The following ANKLE2 variants were observed in gnomAD, a reference collection of about 807,000 sequenced individuals.
ANKLE2 encodes ankyrin repeat and LEM domain-containing protein 2.
ANKLE2 carries 55 observed loss-of-function variants against 84.2 expected under a neutral mutation model. That is an observed-to-expected ratio of 0.65 (90% confidence interval 0.53 to 0.82). The LOEUF (loss-of-function observed/expected upper bound fraction) is 0.82, where lower values mean the gene tolerates loss of function less well. Ranked by LOEUF, ANKLE2 falls within the 40% of genes least tolerant of loss-of-function variation. The pLI, the probability that ANKLE2 is intolerant of heterozygous loss-of-function variation, is 0.00. For missense variants in ANKLE2, 1,238 were observed against 1,201.9 expected, an observed-to-expected ratio of 1.03 and a Z score of -0.44; for synonymous variants, 551 against 486.1, an observed-to-expected ratio of 1.13 and a Z score of -1.76.
chr12:132,743,103 A>G lies in ANKLE2; in HGVS notation c.1353+51T>C, dbSNP rs561117656. 76 of 1,517,184 alleles carry G rather than the reference A, an allele frequency of 5.0e-5. No homozygotes were observed. Among genetic ancestry groups the G allele is most frequent in the Non-Finnish European group, 6.0e-5 (67 of 1,123,336 alleles). The allele number at this position is 1,517,184 out of a possible 1,614,324, so 94.0% of individuals were successfully genotyped here. On this transcript the variant is annotated intron_variant, in intron 6 of 12. Coordinates refer to ENST00000357997, the MANE Select transcript of ANKLE2 (RefSeq NM_015114.3). This position sits in a 1 kb window ranked among gnomAD's most constrained non-coding sequence, Gnocchi z 4.1. ...CTGTGATCACAGACTGTAAATTTAT[A>G]TATTTCCATTTCTAACTCTAGATAG...
At position 132,743,488 on chromosome 12, in the gene ANKLE2, C is replaced by T. The variant is rs1482277801; in HGVS notation, c.1231-212G>A. Reference sequence around the variant, plus strand: ...CCCAGTACCTGGGACTACAGGCACCCGCCACCACACCCAGCTATTTTTTTT... The same window carrying T: ...CCCAGTACCTGGGACTACAGGCACCTGCCACCACACCCAGCTATTTTTTTT... On this transcript the variant is annotated intron_variant, in intron 5 of 12. Transcript: ENST00000357997. This position sits in a 1 kb window ranked among gnomAD's most constrained non-coding sequence, Gnocchi z 4.1. 3.3e-5 allele frequency among the ~76,000 whole-genome samples: 5 copies of T among 151,864 alleles called. No individual in the cohort carries two copies. The highest frequency in any genetic ancestry group is 4.8e-5 in the African/African-American group (2 of 41,346).
In ANKLE2 at chr12:132,743,255, A is replaced by G. The variant is rs1347226009; in HGVS notation, c.1252T>C (p.Phe418Leu). 6.2e-7 allele frequency: 1 copy of G among 1,611,336 alleles called. No individual in the cohort carries two copies. The highest frequency in any genetic ancestry group is 1.3e-5 in the African/African-American group (1 of 75,024). Residue 418 changes from phenylalanine to leucine, a missense_variant, in exon 6 of 13, where the codon TTT (phenylalanine) becomes CTT (leucine). Physicochemically the swap from Phe to Leu is conservative, Grantham distance 22 (BLOSUM62 0). Coordinates refer to ENST00000357997, the MANE Select transcript of ANKLE2 (RefSeq NM_015114.3). This position sits in a 1 kb window ranked among gnomAD's most constrained non-coding sequence, Gnocchi z 4.1. ...TCTGCATTTCCAAACTTACAAGCAA[A>G]ATGCAACGGTGTGTCATAGCCCTGA... ...DKMGYDTPLH[F>L]ACKFGNADVV...
intron 2 of ANKLE2, among the ~76,000 whole-genome samples, chr12:132,752,422 G>A (rs545210264): frequency 1.3e-5 from 2 of 152,070 alleles, no homozygotes; most frequent in South Asian, 4.1e-4. Flanking sequence ...TTTTTTTTGA[G>A]ATGGAATCTA....
At chr12:132,735,619 C>T (rs988389611) in intron 8 of ANKLE2, 107 bp from the exon 9 acceptor site, 18 of 832,064 alleles carry the variant, frequency 2.2e-5, no homozygotes, top group Non-Finnish European at 3.4e-5. Flanking sequence ...TCCGCACACC[C>T]TTCCTTCTCT....
intron 11 of ANKLE2, among the ~76,000 whole-genome samples, chr12:132,729,225 C>G (rs1180926187): frequency 6.8e-6 from 1 of 147,376 alleles, no homozygotes; most frequent in African/African-American, 2.5e-5. Context: ...GTGGCAGGCG[C>G]CTGTAATCCC....
intron 8 of ANKLE2, 23 bp from the exon 9 acceptor site, chr12:132,735,535 T>C (rs1483878334): frequency 1.9e-6 from 3 of 1,603,100 alleles, no homozygotes; most frequent in South Asian, 1.1e-5. Context: ...AAAAATGTAT[T>C]GAGCCGTGTC....
At chr12:132,755,156 A>AT (rs747903775) in intron 1 of ANKLE2, 23 bp from the exon 2 acceptor site, 2 of 1,567,506 alleles carry the variant, frequency 1.3e-6, no homozygotes, top group Non-Finnish European at 1.7e-6. Flanking sequence ...CAAAAAAATC[A>AT]AAGAGTCACA....
rs752920481 is a variant in ANKLE2, at chr12:132,754,882, G to T, written c.433C>A (p.Pro145Thr). The T allele has an allele frequency of 6.2e-7, 1 of 1,614,170 alleles. No individual in the cohort carries two copies. The highest frequency in any genetic ancestry group is 8.5e-7 in the Non-Finnish European group (1 of 1,180,034). The change falls in exon 2 of 13, where the codon CCA becomes ACA. Residue 145 changes from proline (P) to threonine (T), a missense_variant. Physicochemically the swap from Pro to Thr is conservative, Grantham distance 38. Coordinates refer to ENST00000357997, the MANE Select transcript of ANKLE2 (RefSeq NM_015114.3). ...QRILKPAEGN[P>T]TDQAGFSEDR... ...TCAGAAAAACCAGCCTGATCAGTTGGGTTCCCTTCAGCTGGCTTCAAAATC... is the reference window on the plus strand; with the variant it reads ...TCAGAAAAACCAGCCTGATCAGTTGTGTTCCCTTCAGCTGGCTTCAAAATC...
chr12:132,730,198 T>C lies in ANKLE2; in HGVS notation c.1964A>G (p.Gln655Arg). The stretch of plus-strand genomic sequence containing the variant: ...CGGGCTGTTATTTCGAGCTGCATTT[T>C]GCCGATTTTTTATTTCTTCCAAGCT... ...DMSLEEIKNR[Q>R]NAARNNSPPT... Residue 655 changes from glutamine (Q) to arginine (R), a missense_variant, in exon 11 of 13, where the codon CAA becomes CGA. This residue lies in a region of ANKLE2 where 802 missense variants were observed against 774.5 expected (regional missense o/e 1.04). Coordinates refer to ENST00000357997, the MANE Select transcript of ANKLE2 (RefSeq NM_015114.3). 2 of 1,600,296 alleles carry C rather than the reference T, an allele frequency of 1.2e-6. No individual in the cohort carries two copies. Among genetic ancestry groups the C allele is most frequent in the Non-Finnish European group, 8.5e-7 (1 of 1,173,364 alleles).
At chr12:132,761,010 G>C (rs1461213889) in intron 1 of ANKLE2, 1 of 152,292 alleles carries the variant, frequency 6.6e-6, no homozygotes, top group Admixed American at 6.5e-5. Flanking sequence ...GCCAGGAAAA[G>C]GGGATGGAGC....
At chr12:132,730,528 A>C in intron 10 of ANKLE2, 16 of 433,736 alleles carry the variant, frequency 3.7e-5, no homozygotes, top group East Asian at 1.7e-4. Flanking sequence ...TCCAGACACA[A>C]TCAGGCTGCT....
At chr12:132,738,316 A>C (rs1332990340) in intron 7 of ANKLE2, 12 of 152,288 alleles carry the variant, frequency 7.9e-5, no homozygotes, top group Non-Finnish European at 1.8e-4. Context: ...AAGGAAGAGT[A>C]GTGTCTTCAG....
rs1328698487 is a variant in ANKLE2, at chr12:132,750,621, T to C, written c.847+22A>G. 5 of 1,612,392 alleles carry C rather than the reference T, an allele frequency of 3.1e-6. No homozygotes were observed. The African/African-American group carries it at 6.7e-5, about 22-fold the overall frequency. On this transcript the variant is annotated intron_variant, in intron 3 of 12. Coordinates refer to ENST00000357997, the MANE Select transcript of ANKLE2 (RefSeq NM_015114.3). ...GATCAATGTGACAGGAACATCAAGA[T>C]GTGAACGGCTGCATGATTTACCTTT...
At position 132,734,385 on chromosome 12, in the gene ANKLE2, C is replaced by A; in HGVS notation, c.1891G>T (p.Gly631Cys). Residue 631 changes from glycine (G) to cysteine (C), a missense_variant and splice_region_variant, in exon 10 of 13, where the codon GGC becomes TGC. Gly to Cys is a radical substitution (Grantham distance 159, BLOSUM62 -3). Around this residue, in one of 3 missense-constraint regions of ANKLE2, gnomAD observed 802 missense variants for 774.5 expected, o/e 1.04. Coordinates refer to ENST00000357997, the MANE Select transcript of ANKLE2 (RefSeq NM_015114.3). ...ASCRDKATTS[G>C]SNSISVRAFL... Reference sequence around the variant, plus strand: ...CACAGCCACGCCTGCACATGCTTACCAGACGTGGTGGCTTTATCTCGGCAG... The same window carrying A: ...CACAGCCACGCCTGCACATGCTTACAAGACGTGGTGGCTTTATCTCGGCAG... 6.2e-7 allele frequency: 1 copy of A among 1,613,872 alleles called. No homozygotes were observed. The highest frequency in any genetic ancestry group is 1.1e-5 in the South Asian group (1 of 91,048).
At chr12:132,731,541 CAGTTT>C (rs145778702) in intron 10 of ANKLE2, 19,659 of 151,614 alleles carry the variant, frequency 0.13, 1,882 homozygotes, top group East Asian at 0.51. Context: ...CACACACACA[CAGTTT>C]AAACTGTATA....
chr12:132,744,978 C>A (rs933722092), intron 5 of ANKLE2, among the ~76,000 whole-genome samples: 2 of 152,236 alleles, frequency 1.3e-5, no homozygotes, highest in Non-Finnish European at 2.9e-5. Flanking sequence ...CTGCACCCGG[C>A]CTCACAAATC....
chr12:132,736,976 A>T lies in ANKLE2; in HGVS notation c.1510T>A (p.Ser504Thr). ...CTGCCTCCATAGCGGCTGACGTGAG[A>T]GGCCTCAGCCGTCTGGTCTGGGGAC... is the stretch of plus-strand genomic sequence containing the variant. ...LWSPDQTAEA[S>T]HVSRYGGSPR... is the part of the protein sequence containing the mutation. Residue 504 changes from serine (S) to threonine (T), a missense_variant, in exon 8 of 13, where the codon TCT (serine) becomes ACT (threonine). Physicochemically the swap from Ser to Thr is moderately conservative, Grantham distance 58. Coordinates refer to ENST00000357997, the MANE Select transcript of ANKLE2 (RefSeq NM_015114.3). 6.2e-7 allele frequency: 1 copy of T among 1,613,848 alleles called. No individual in the cohort carries two copies.
At chr12:132,754,553 G>T in intron 2 of ANKLE2, 122 bp downstream of exon 2, 1 of 899,290 alleles carries the variant, frequency 1.1e-6, no homozygotes, top group Admixed American at 2.9e-5. Flanking sequence ...TAACTGGGGT[G>T]ATGAGATGGA....
rs2044169588 is a variant in ANKLE2, at chr12:132,743,356, C to A, written c.1231-80G>T. The A allele has an allele frequency of 7.0e-7, 1 of 1,431,936 alleles. No homozygotes were observed. The highest frequency in any genetic ancestry group is 1.5e-5 in the South Asian group (1 of 66,112). 88.7% of individuals were successfully genotyped at this position (1,431,936 alleles called of 1,614,324 possible). A position where few individuals can be genotyped will look rare whatever the true frequency, so the allele number is the denominator to read the frequency against. On this transcript the variant is annotated intron_variant, in intron 5 of 12. Coordinates refer to ENST00000357997, the MANE Select transcript of ANKLE2 (RefSeq NM_015114.3). This position sits in a 1 kb window ranked among gnomAD's most constrained non-coding sequence, Gnocchi z 4.1. ...TCTAAGGTGAAAATACATATTCATT[C>A]ATTCATTCATTCATTTATTTATTTT...
Sources: allele counts gnomAD v4.1 joint callset (sites outside exome capture counted in the v4.1 genomes callset), GRCh38; gene constraint gnomAD v4.1.1; regional missense constraint gnomAD v4.1.1; non-coding constraint Gnocchi (gnomAD v3.1); transcripts MANE v1.5; gene names NCBI Gene and HGNC (gene_info 2026-07-23, HGNC 2026-07-21).